Variants in CELF6 observed in about 807,000 individuals in gnomAD.
The protein encoded by CELF6 is CUGBP Elav-like family member 6.
In CELF6, 32 loss-of-function variants were observed where a neutral mutation model predicts 53.1. That is an observed-to-expected ratio of 0.60 (90% CI 0.46 to 0.81). CELF6 has a LOEUF of 0.81. Among genes scored for constraint, CELF6 ranks in the 30% least tolerant of loss-of-function variants. The pLI is 0.00. For missense variants in CELF6, 539 were observed against 669.5 expected (o/e 0.81, Z 2.15); for synonymous variants, 291 against 288.8 (o/e 1.01, Z -0.08).
intron 1 of CELF6, among the ~76,000 whole-genome samples, chr15:72,316,148 T>A (rs2140308255): frequency 6.6e-6 from 1 of 152,318 alleles, no homozygotes; most frequent in East Asian, 1.9e-4. Context: ...CCTGGCATCC[T>A]GCCCAGAGAA....
At chr15:72,298,121 C>T (rs189125948) in intron 3 of CELF6, among the ~76,000 whole-genome samples, 46 of 152,254 alleles carry the variant, frequency 3.0e-4, no homozygotes, top group African/African-American at 9.9e-4. Flanking sequence ...ATTTAGGCCA[C>T]GGAATATGTC....
chr15:72,316,587 T>C (rs1162562444), intron 1 of CELF6, among the ~76,000 whole-genome samples: 1 of 152,098 alleles, frequency 6.6e-6, no homozygotes, highest in Non-Finnish European at 1.5e-5. Flanking sequence ...TAGGGCCTCT[T>C]AAAGAGTTAT....
At chr15:72,304,945 C>A in intron 2 of CELF6, 151 bp from the exon 3 acceptor site, 1 of 673,742 alleles carries the variant, frequency 1.5e-6, no homozygotes, top group Admixed American at 2.6e-5. Flanking sequence ...CAGATTTTCT[C>A]CAAGATTCCT....
intron 2 of CELF6, among the ~76,000 whole-genome samples, chr15:72,310,106 C>A (rs116575361): frequency 0.014 from 2,070 of 152,228 alleles, 37 homozygotes; most frequent in African/African-American, 0.047. Flanking sequence ...CTCAGCATTG[C>A]CCTTTTCAGA....
chr15:72,318,885 C>A (rs1460133472), intron 1 of CELF6, among the ~76,000 whole-genome samples: 1 of 152,114 alleles, frequency 6.6e-6, no homozygotes, highest in African/African-American at 2.4e-5. Context: ...CACAGGGTGG[C>A]AGGAGTTCCC....
At chr15:72,311,776 C>T (rs1292149445) in intron 2 of CELF6, among the ~76,000 whole-genome samples, 1 of 152,226 alleles carries the variant, frequency 6.6e-6, no homozygotes, top group African/African-American at 2.4e-5. Flanking sequence ...CTAGCACATA[C>T]AGTGCCTTTC....
At chr15:72,294,222 C>T (rs1385219654) in intron 3 of CELF6, among the ~76,000 whole-genome samples, 2 of 152,310 alleles carry the variant, frequency 1.3e-5, no homozygotes, top group East Asian at 3.9e-4. Context: ...AAAGAAATTC[C>T]TAAGTTGTTC....
At chr15:72,296,868 G>T (rs913027885) in intron 3 of CELF6, among the ~76,000 whole-genome samples, 1 of 152,148 alleles carries the variant, frequency 6.6e-6, no homozygotes, top group East Asian at 1.9e-4. Context: ...AAATAGTGTC[G>T]CTGCTACAGA....
intron 3 of CELF6, among the ~76,000 whole-genome samples, chr15:72,298,423 C>T (rs1297599415): frequency 6.6e-6 from 1 of 152,154 alleles, no homozygotes; most frequent in East Asian, 1.9e-4. Flanking sequence ...GACTGAAAAA[C>T]GAGATGCCTC....
Position 72,289,857 on chromosome 15 carries a change from C to G in CELF6, c.603+82G>C. On this transcript the variant is annotated intron_variant, in intron 5 of 12. Transcript: ENST00000287202. The surrounding 1 kb of genome is among the most constrained non-coding windows in gnomAD (Gnocchi z 7.6). ...GCGCCTTTCCCATCAGGTCCTTTCG[C>G]GGGGCACCGAGCACACTCGGGGAGG... is the stretch of plus-strand genomic sequence containing the variant. The G allele has an allele frequency of 2.0e-6, 3 of 1,503,540 alleles. No homozygotes were observed. The highest frequency in any genetic ancestry group is 2.5e-5 in the South Asian group (2 of 79,900). 93.1% of individuals were successfully genotyped at this position (1,503,540 alleles called of 1,614,324 possible).
In CELF6 at chr15:72,319,276, G is replaced by A. The variant is rs1447367355; in HGVS notation, c.262+337C>T. ...GGAAATTGAGGGTATTCGAGATCTA[G>A]AAGGTGGAATAAGTTTTCAAATTCC... On this transcript the variant is annotated intron_variant, in intron 1 of 12. Coordinates refer to ENST00000287202, the MANE Select transcript of CELF6 (RefSeq NM_052840.5). The surrounding 1 kb of genome is among the most constrained non-coding windows in gnomAD (Gnocchi z 5.0). Among the ~76,000 whole-genome samples, 1 of 152,148 alleles carries A rather than the reference G, an allele frequency of 6.6e-6. No homozygotes were observed. Among genetic ancestry groups the A allele is most frequent in the Non-Finnish European group, 1.5e-5 (1 of 68,026 alleles).
intron 1 of CELF6, among the ~76,000 whole-genome samples, chr15:72,318,028 A>G (rs762765676): frequency 2.6e-5 from 4 of 152,214 alleles, no homozygotes; most frequent in Non-Finnish European, 5.9e-5. Flanking sequence ...ATTTAAGGGT[A>G]TTCTATACAC....
At chr15:72,308,489 AG>A in intron 2 of CELF6, among the ~76,000 whole-genome samples, 1 of 152,138 alleles carries the variant, frequency 6.6e-6, no homozygotes, top group East Asian at 1.9e-4. Flanking sequence ...GGCCTCCCAA[AG>A]TGCTGGGATT....
rs1489587892 is a variant in CELF6 at position 72,311,559 on chromosome 15, C to A, written c.345+4286G>T. On this transcript the variant is annotated intron_variant, in intron 2 of 12. Coordinates refer to ENST00000287202, the MANE Select transcript of CELF6 (RefSeq NM_052840.5). ...CTGGGACTACAGGCGCTCGCCATCA[C>A]GCCCTGCTAATTTTTTGTATTTTTA... Among the ~76,000 whole-genome samples the A allele has an allele frequency of 2.1e-4, 32 of 150,564 alleles. No homozygotes were observed. In the Admixed American group the frequency reaches 2.1e-3, roughly 10 times the overall value.
At chr15:72,303,522 A>G (rs2088184104) in intron 3 of CELF6, among the ~76,000 whole-genome samples, 1 of 152,226 alleles carries the variant, frequency 6.6e-6, no homozygotes, top group African/African-American at 2.4e-5. Flanking sequence ...ACTGAGCATG[A>G]AGTCTGAGAG....
rs1285810202 is a variant in CELF6, at chr15:72,288,965, G to A, written c.1031-35C>T. ...GAGGGGCGCGAGGCCCACAGTGAAG[G>A]CAAGCGGGCGAGCAGAGTGGGTGAG... is the stretch of plus-strand genomic sequence containing the variant. On this transcript the variant is annotated intron_variant, in intron 8 of 12. Coordinates refer to ENST00000287202, the MANE Select transcript of CELF6 (RefSeq NM_052840.5). This position sits in a 1 kb window ranked among gnomAD's most constrained non-coding sequence, Gnocchi z 4.6. 1.3e-6 allele frequency: 2 copies of A among 1,536,878 alleles called. No individual in the cohort carries two copies. The highest frequency in any genetic ancestry group is 1.8e-6 in the Non-Finnish European group (2 of 1,135,868).
intron 2 of CELF6, among the ~76,000 whole-genome samples, chr15:72,308,105 C>T (rs1006013754): frequency 1.3e-5 from 2 of 152,190 alleles, no homozygotes; most frequent in Non-Finnish European, 2.9e-5. Flanking sequence ...TCTCTAAGGT[C>T]TCTGAGCCTC....
intron 2 of CELF6, 143 bp from the exon 3 acceptor site, chr15:72,304,937 G>T (rs1419574098): frequency 3.1e-5 from 21 of 681,158 alleles, no homozygotes; most frequent in Non-Finnish European, 3.8e-5. Context: ...TGGGATTACA[G>T]ATTTTCTCCA....
intron 2 of CELF6, 23 bp from the exon 3 acceptor site, chr15:72,304,817 A>C: frequency 6.2e-7 from 1 of 1,613,736 alleles, no homozygotes. Flanking sequence ...GGACCAACAC[A>C]CCCATTCAGC....
Sources: gnomAD v4.1 joint callset for allele counts (sites outside exome capture counted in the v4.1 genomes callset) on GRCh38, gnomAD v4.1.1 for gene constraint, Gnocchi (gnomAD v3.1) non-coding constraint, MANE v1.5 for transcripts, NCBI Gene and HGNC (gene_info 2026-07-23, HGNC 2026-07-21) for gene names.